KTN1: variants seen among roughly 807,000 people sequenced by gnomAD.
The protein encoded by KTN1 is kinectin 1.
A neutral mutation model predicts 222.5 loss-of-function variants in KTN1; 130 were observed. The observed-to-expected ratio is 0.58, with a 90% CI of 0.51 to 0.68. The LOEUF (loss-of-function observed/expected upper bound fraction) is 0.68. Among genes scored for constraint, KTN1 ranks in the 30% least tolerant of loss-of-function variants. The pLI is 0.00. For synonymous variants in KTN1, 512 were observed against 496.3 expected, an observed-to-expected ratio of 1.03 and a Z score of -0.42; for missense variants, 1,508 against 1,500.4, an observed-to-expected ratio of 1.01 and a Z score of -0.08.
At chr14:55,630,195 A>G (rs1233146505) in intron 7 of KTN1, 98 bp downstream of exon 7, 4 of 1,054,358 alleles carry the variant, frequency 3.8e-6, no homozygotes, top group Admixed American at 2.0e-5. Context: ...TTCTTGGGCC[A>G]TCAACATACA....
rs1177973800 is a variant in KTN1, at chr14:55,619,165, G to GT, written c.833-10dup. 2.5e-6 allele frequency: 4 copies of GT among 1,585,860 alleles called. No individual in the cohort carries two copies. Among genetic ancestry groups the GT allele is most frequent in the East Asian group, 2.2e-5 (1 of 44,556 alleles). ...TTAAATGCCAACTCTTTGTTTGTTT[G>GT]TTTTTTTCAAATTAAGAAAATGCTG... is the stretch of plus-strand genomic sequence containing the variant. On this transcript the variant is annotated splice_polypyrimidine_tract_variant and intron_variant, in intron 4 of 43. Coordinates refer to ENST00000395314, the MANE Select transcript of KTN1 (RefSeq NM_001079521.2).
At chr14:55,656,666 C>T (rs1316012728) in intron 29 of KTN1, among the ~76,000 whole-genome samples, 1 of 152,034 alleles carries the variant, frequency 6.6e-6, no homozygotes, top group African/African-American at 2.4e-5. Context: ...GGGGTTTCAG[C>T]ATGTTGGCCA....
intron 1 of KTN1, among the ~76,000 whole-genome samples, chr14:55,587,897 CTTAA>C (rs1227428100): frequency 1.3e-5 from 2 of 152,086 alleles, no homozygotes; most frequent in African/African-American, 2.4e-5. Context: ...GTAAAAGTGG[CTTAA>C]TTCTTTCACT....
intron 29 of KTN1, 91 bp downstream of exon 29, chr14:55,656,223 A>G (rs2043453761): frequency 6.1e-6 from 5 of 824,020 alleles, no homozygotes; most frequent in Non-Finnish European, 9.8e-6. Flanking sequence ...AAAATAGAGT[A>G]CAGAATGAGT....
chr14:55,677,442 A>G (rs1313583940), intron 41 of KTN1, among the ~76,000 whole-genome samples: 1 of 149,952 alleles, frequency 6.7e-6, no homozygotes, highest in Admixed American at 6.7e-5. Flanking sequence ...ACGCTACTGC[A>G]CTCTAGCCTG....
At chr14:55,682,780 C>CT (rs1396580559) in intron 43 of KTN1, 2 of 152,254 alleles carry the variant, frequency 1.3e-5, no homozygotes, top group Non-Finnish European at 2.9e-5. Flanking sequence ...TTAATCAGTG[C>CT]TTTTCTTCTC....
At chr14:55,651,416 G>A (rs2042924968) in intron 24 of KTN1, 1 of 454,856 alleles carries the variant, frequency 2.2e-6, no homozygotes, top group Non-Finnish European at 4.4e-6. Flanking sequence ...AATTAAAAAA[G>A]GACATCATAG....
chr14:55,684,050 T>TCTGTTGC, intron 43 of KTN1, 49 bp from the exon 44 acceptor site: 1 of 1,553,326 alleles, frequency 6.4e-7, no homozygotes, highest in Non-Finnish European at 8.8e-7. Flanking sequence ...CTGATTGCCT[T>TCTGTTGC]CTGTTGCTTT....
chr14:55,653,932 T>C (rs574653063), intron 28 of KTN1, among the ~76,000 whole-genome samples: 37 of 152,290 alleles, frequency 2.4e-4, no homozygotes, highest in African/African-American at 8.9e-4. Context: ...AATTAGTATT[T>C]GAATTAGATG....
At chr14:55,582,812 A>G (rs1000980941) in intron 1 of KTN1, among the ~76,000 whole-genome samples, 1 of 152,136 alleles carries the variant, frequency 6.6e-6, no homozygotes. Context: ...GCTTTGCAAG[A>G]TCGTTCATAT....
intron 1 of KTN1, among the ~76,000 whole-genome samples, chr14:55,590,751 CT>C (rs2033959110): frequency 6.6e-6 from 1 of 151,810 alleles, no homozygotes; most frequent in Non-Finnish European, 1.5e-5. Context: ...TCTTGGCTGA[CT>C]GCAACCGCTG....
intron 7 of KTN1, among the ~76,000 whole-genome samples, chr14:55,631,767 A>T (rs1011829628): frequency 5.3e-5 from 8 of 151,948 alleles, no homozygotes; most frequent in African/African-American, 1.7e-4. Flanking sequence ...ACAGGGTGAG[A>T]CCCTGTCTCA....
chr14:55,672,916 G>C lies in KTN1; in HGVS notation c.3604-13G>C. 6.2e-7 allele frequency: 1 copy of C among 1,605,808 alleles called. No individual in the cohort carries two copies. The highest frequency in any genetic ancestry group is 8.5e-7 in the Non-Finnish European group (1 of 1,173,268). ...TTTTAAGTGTGTTAACTTTTCCTTT[G>C]TTGCATTGCTAGCTGAGAAGAGAAC... On this transcript the variant is annotated splice_polypyrimidine_tract_variant and intron_variant, in intron 38 of 43. Coordinates refer to ENST00000395314, the MANE Select transcript of KTN1 (RefSeq NM_001079521.2).
At chr14:55,635,991 A>C (rs2041079942) in intron 9 of KTN1, among the ~76,000 whole-genome samples, 1 of 152,212 alleles carries the variant, frequency 6.6e-6, no homozygotes, top group South Asian at 2.1e-4. Flanking sequence ...TGGATAAATA[A>C]ATGACATTAA....
Position 55,641,179 on chromosome 14 carries a change from G to A in KTN1, c.2074G>A (p.Glu692Lys), listed in dbSNP as rs2041763532. The part of the protein sequence containing the change: ...IRLLEEQLQH[E>K]ISNKMEEFKI... ...ATTGCTGGAAGAGCAACTACAACAT[G>A]AAATTTCAAACAAAATGGAAGAATT... The change falls in exon 17 of 44, where the codon GAA becomes AAA. Residue 692 changes from glutamate to lysine, a missense_variant. By Grantham distance (56) the Glu-to-Lys change is moderately conservative. Transcript: ENST00000395314. The A allele has an allele frequency of 3.8e-6, 6 of 1,597,896 alleles. No individual in the cohort carries two copies. Among genetic ancestry groups the A allele is most frequent in the African/African-American group, 1.4e-5 (1 of 73,964 alleles).
chr14:55,619,147 C>T, intron 4 of KTN1, 35 bp from the exon 5 acceptor site: 1 of 1,555,764 alleles, frequency 6.4e-7, no homozygotes. Context: ...TTTTTAAATG[C>T]CAACTCTTTG....
chr14:55,657,396 CG>C (rs1309886005), intron 29 of KTN1, among the ~76,000 whole-genome samples: 16 of 115,650 alleles, frequency 1.4e-4, no homozygotes, highest in African/African-American at 4.3e-4. Context: ...ACTGAGTTGA[CG>C]TTTTTTTTTT....
At chr14:55,591,836 A>G (rs1403428678) in intron 1 of KTN1, among the ~76,000 whole-genome samples, 2 of 152,108 alleles carry the variant, frequency 1.3e-5, no homozygotes, top group Non-Finnish European at 2.9e-5. Flanking sequence ...TCGGCCACCC[A>G]AAATGCTGTG....
At chr14:55,640,618 T>C (rs547635962) in intron 15 of KTN1, among the ~76,000 whole-genome samples, 176 bp downstream of exon 15, 1 of 152,112 alleles carries the variant, frequency 6.6e-6, no homozygotes, top group South Asian at 2.1e-4. Context: ...TTTGATCCAG[T>C]GAATTAATCA....
Sources: gnomAD v4.1 joint callset for allele counts (sites outside exome capture counted in the v4.1 genomes callset) on GRCh38, gnomAD v4.1.1 for gene constraint, MANE v1.5 for transcripts, NCBI Gene and HGNC (gene_info 2026-07-23, HGNC 2026-07-21) for gene names.